The following KYAT1 variants were observed in gnomAD, a reference collection of about 807,000 sequenced individuals.
KYAT1 encodes the protein kynurenine aminotransferase 1.
KYAT1 carries 47 observed loss-of-function variants against 52.4 expected under a neutral mutation model. The observed-to-expected ratio is 0.90, with a 90% confidence interval of 0.71 to 1.14. The LOEUF (loss-of-function observed/expected upper bound fraction) is 1.14. KYAT1 is among the 50% of genes most tolerant of loss of function. The pLI, the probability that KYAT1 is intolerant of heterozygous loss-of-function variation, is 0.00. For synonymous variants in KYAT1, 212 were observed against 209.6 expected, an observed-to-expected ratio of 1.01 and a Z score of -0.10; for missense variants, 480 against 557.9, an observed-to-expected ratio of 0.86 and a Z score of 1.41.
intron 1 of KYAT1, among the ~76,000 whole-genome samples, chr9:128,863,737 G>A (rs954362548): frequency 1.3e-5 from 2 of 152,156 alleles, no homozygotes; most frequent in East Asian, 1.9e-4. Context: ...TTATTCCCGA[G>A]TCGGCCAGCA....
chr9:128,842,596 C>A, intron 3 of KYAT1, 58 bp downstream of exon 3: 1 of 1,559,328 alleles, frequency 6.4e-7, no homozygotes, highest in Non-Finnish European at 8.8e-7. Context: ...GGCTTGAAGT[C>A]CAGAAAGCCC....
intron 1 of KYAT1, among the ~76,000 whole-genome samples, chr9:128,879,070 G>A (rs1479409798): frequency 6.6e-6 from 1 of 152,220 alleles, no homozygotes; most frequent in East Asian, 1.9e-4. Context: ...CAGCACTTTG[G>A]GAGGCCGAGG....
chr9:128,864,505 C>T (rs978108711), intron 1 of KYAT1, among the ~76,000 whole-genome samples: 1 of 151,956 alleles, frequency 6.6e-6, no homozygotes, highest in African/African-American at 2.4e-5. Context: ...AACTCTGTAC[C>T]CATTAAACAA....
Position 128,836,058 on chromosome 9 carries a change from A to G in KYAT1, c.704T>C (p.Met235Thr), listed in dbSNP as rs377580723. ...QHISIASLPG[M>T]WERTLTIGSA... ...GCCGATGGTCAGGGTCCGTTCCCAC[A>G]TGCCAGGGAGGCTGGCTGCCCAAGG... Residue 235 changes from methionine (M) to threonine (T), a missense_variant, in exon 8 of 13, where the codon ATG becomes ACG. Transcript: ENST00000302586. 6.8e-6 allele frequency: 11 copies of G among 1,613,754 alleles called. No homozygotes were observed. The African/African-American group carries it at 8.0e-5, about 12-fold the overall frequency.
intron 1 of KYAT1, among the ~76,000 whole-genome samples, chr9:128,865,732 T>A (rs771874420): frequency 6.6e-6 from 1 of 152,090 alleles, no homozygotes; most frequent in Non-Finnish European, 1.5e-5. Flanking sequence ...GATGCATGGA[T>A]GCTCAATGGG....
chr9:128,839,817 T>C (rs1234019232), intron 3 of KYAT1, among the ~76,000 whole-genome samples: 1 of 152,134 alleles, frequency 6.6e-6, no homozygotes, highest in African/African-American at 2.4e-5. Flanking sequence ...TTTGGGAGTA[T>C]GAGGCGGGAG....
chr9:128,873,345 T>C (rs1422591936), intron 1 of KYAT1, among the ~76,000 whole-genome samples: 2 of 91,504 alleles, frequency 2.2e-5, no homozygotes, highest in East Asian at 3.0e-4. Flanking sequence ...CATTTAAAAA[T>C]AAAAAAGTAT....
At chr9:128,858,630 G>A (rs567844745) in intron 1 of KYAT1, among the ~76,000 whole-genome samples, 3 of 151,992 alleles carry the variant, frequency 2.0e-5, no homozygotes, top group South Asian at 2.1e-4. Flanking sequence ...TCCGAGAGTC[G>A]GAGGTTGCAG....
chr9:128,833,950 G>C (rs1487979717), intron 11 of KYAT1, 124 bp from the exon 12 acceptor site: 2 of 699,130 alleles, frequency 2.9e-6, no homozygotes, highest in African/African-American at 1.8e-5. Flanking sequence ...CCAGCACCTA[G>C]AGCTGCATCA....
At chr9:128,844,033 G>A (rs1832678989) in intron 2 of KYAT1, among the ~76,000 whole-genome samples, 1 of 152,196 alleles carries the variant, frequency 6.6e-6, no homozygotes, top group Admixed American at 6.5e-5. Flanking sequence ...TGATGCTCTT[G>A]ACCCTACTCT....
intron 1 of KYAT1, among the ~76,000 whole-genome samples, chr9:128,858,496 G>A (rs996050756): frequency 6.7e-6 from 1 of 149,242 alleles, no homozygotes; most frequent in Non-Finnish European, 1.5e-5. Context: ...TCAGGAGTCT[G>A]AGACCAGCCT....
intron 1 of KYAT1, among the ~76,000 whole-genome samples, chr9:128,865,245 C>CAAA (rs764268082): frequency 1.8e-5 from 1 of 54,298 alleles, no homozygotes; most frequent in African/African-American, 9.4e-5. Flanking sequence ...CCTCCCACAC[C>CAAA]AAAAAAAAAA....
rs572856183 is a variant in KYAT1, at chr9:128,852,044, A to AGT, written c.-6-6635_-6-6634dup. Among the ~76,000 whole-genome samples, 25 of 152,304 alleles carry AGT rather than the reference A, an allele frequency of 1.6e-4. No homozygotes were observed. The East Asian group carries it at 4.6e-3, about 28-fold the overall frequency. ...AAGGAGCAATTCAGACTCGCCCTGCAGTGTCCTGTATGGGTCAAACAGTGG... is the reference window on the plus strand; with the variant it reads ...AAGGAGCAATTCAGACTCGCCCTGCAGTGTGTCCTGTATGGGTCAAACAGTGG... On this transcript the variant is annotated intron_variant, in intron 1 of 12. Coordinates refer to ENST00000302586, the MANE Select transcript of KYAT1 (RefSeq NM_004059.5).
intron 1 of KYAT1, among the ~76,000 whole-genome samples, chr9:128,864,853 C>T (rs1439434948): frequency 1.3e-5 from 2 of 151,884 alleles, no homozygotes; most frequent in Non-Finnish European, 2.9e-5. Flanking sequence ...AAGTGATCCG[C>T]CTGCCTAGGC....
At chr9:128,849,285 C>G (rs1258891512) in intron 1 of KYAT1, among the ~76,000 whole-genome samples, 4 of 148,792 alleles carry the variant, frequency 2.7e-5, no homozygotes, top group Non-Finnish European at 6.0e-5. Flanking sequence ...GTGGCACATG[C>G]CTGTAGTCCC....
At chr9:128,833,898 G>C (rs1279946873) in intron 11 of KYAT1, 72 bp from the exon 12 acceptor site, 16 of 1,246,974 alleles carry the variant, frequency 1.3e-5, no homozygotes, top group Admixed American at 1.8e-5. Flanking sequence ...AGGGGACAGA[G>C]AGGTTCCCAC....
intron 1 of KYAT1, among the ~76,000 whole-genome samples, chr9:128,870,753 G>A (rs1279786810): frequency 2.0e-5 from 3 of 152,170 alleles, no homozygotes. Context: ...GAAAGCAGAT[G>A]AGTGGTAACC....
At chr9:128,838,673 G>A (rs762652533) in intron 3 of KYAT1, among the ~76,000 whole-genome samples, 1 of 152,178 alleles carries the variant, frequency 6.6e-6, no homozygotes, top group Non-Finnish European at 1.5e-5. Context: ...ACTCCAGGGT[G>A]CCAACCACCA....
chr9:128,835,250 C>G (rs1830831011), intron 11 of KYAT1, 73 bp downstream of exon 11: 4 of 1,298,158 alleles, frequency 3.1e-6, no homozygotes, highest in Non-Finnish European at 4.5e-6. Context: ...CCAGGAGCCT[C>G]TTGCCTGGGC....
Sources: allele counts gnomAD v4.1 joint callset (sites outside exome capture counted in the v4.1 genomes callset), GRCh38; gene constraint gnomAD v4.1.1; transcripts MANE v1.5; gene names NCBI Gene and HGNC (gene_info 2026-07-23, HGNC 2026-07-21).